KLF12: variants seen among roughly 807,000 people sequenced by gnomAD.
The protein encoded by KLF12 is KLF transcription factor 12.
Under a neutral mutation model 37.8 loss-of-function variants are expected in KLF12, and 9 were observed. The ratio of observed to expected loss-of-function variants is 0.24; its 90% CI spans 0.14 to 0.42. The LOEUF (loss-of-function observed/expected upper bound fraction) is 0.42. Among genes scored for constraint, KLF12 ranks in the 10% least tolerant of loss-of-function variants. KLF12 has a pLI of 1.00. For missense variants in KLF12, 411 were observed against 516.0 expected (o/e 0.80, Z 1.97); for synonymous variants, 208 against 202.1 (o/e 1.03, Z -0.25).
chr13:74,230,926 A>T, the KLF12 span, among the ~76,000 whole-genome samples: 48 of 152,266 alleles, frequency 3.2e-4, no homozygotes, highest in Non-Finnish European at 6.2e-4. Flanking sequence ...GTGCTTCAAG[A>T]ACACTGAATA....
chr13:73,798,814 G>A (rs1201877444), intron 5 of KLF12, among the ~76,000 whole-genome samples: 1 of 152,178 alleles, frequency 6.6e-6, no homozygotes, highest in African/African-American at 2.4e-5. Context: ...CTGTTGGTAG[G>A]AGTGTAAAAT....
At chr13:74,220,163 G>A in the KLF12 span, among the ~76,000 whole-genome samples, 30,482 of 151,948 alleles carry the variant, frequency 0.2, 3,954 homozygotes, top group African/African-American at 0.37. Context: ...GCTAGCAATG[G>A]TTTCTTTAAT....
intron 3 of KLF12, among the ~76,000 whole-genome samples, chr13:73,919,098 C>T (rs941178619): frequency 1.3e-5 from 2 of 152,136 alleles, no homozygotes; most frequent in African/African-American, 4.8e-5. Context: ...CTTGTAACTA[C>T]CCAGGAGCAC....
At chr13:74,196,370 C>A in the KLF12 span, among the ~76,000 whole-genome samples, 1 of 152,126 alleles carries the variant, frequency 6.6e-6, no homozygotes, top group African/African-American at 2.4e-5. Flanking sequence ...ATTTATTGCC[C>A]AGGCCCTTTT....
At chr13:74,168,618 G>A in the KLF12 span, among the ~76,000 whole-genome samples, 1 of 152,208 alleles carries the variant, frequency 6.6e-6, no homozygotes, top group Non-Finnish European at 1.5e-5. Context: ...CACAGTGACT[G>A]CAGTGTGTGA....
chr13:73,858,030 G>A lies in KLF12; in HGVS notation c.124-11657C>T, dbSNP rs143936770. Among the ~76,000 whole-genome samples, 1,270 of 152,174 alleles carry A rather than the reference G, an allele frequency of 8.3e-3. 8 individuals are homozygous for A. The highest frequency in any genetic ancestry group is 0.014 in the African/African-American group (593 of 41,518). ...AATAATACATGGAAAAAAATGTTCT[G>A]GAATGTTAACAATAGTTTTTCCATT... On this transcript the variant is annotated intron_variant, in intron 3 of 7. Coordinates refer to ENST00000377669, the MANE Select transcript of KLF12 (RefSeq NM_007249.5).
rs180845999 is a variant in KLF12, at chr13:74,044,510, T to C, written c.-31-49457A>G. Among the ~76,000 whole-genome samples, 7 of 151,854 alleles carry C rather than the reference T, an allele frequency of 4.6e-5. 1 individual carries two copies. Among genetic ancestry groups the C allele is most frequent in the Admixed American group, 2.0e-4 (3 of 15,244 alleles). ...TTAAAAAAAAATGTTTGACATACAATAAGGGAGATATGTCAGAGAGATACA... is the reference window on the plus strand; with the variant it reads ...TTAAAAAAAAATGTTTGACATACAACAAGGGAGATATGTCAGAGAGATACA... On this transcript the variant is annotated intron_variant, in intron 1 of 7. Coordinates refer to ENST00000377669, the MANE Select transcript of KLF12 (RefSeq NM_007249.5).
chr13:73,840,463 C>A (rs1298708955), intron 4 of KLF12, among the ~76,000 whole-genome samples: 1 of 152,112 alleles, frequency 6.6e-6, no homozygotes, highest in Non-Finnish European at 1.5e-5. Flanking sequence ...AAATGTGGAA[C>A]AGGCATATCA....
chr13:74,199,583 T>G, the KLF12 span, among the ~76,000 whole-genome samples: 469 of 152,234 alleles, frequency 3.1e-3, 2 homozygotes, highest in African/African-American at 0.011. Flanking sequence ...CAAACAGAGT[T>G]AGGATGTACA....
intron 1 of KLF12, among the ~76,000 whole-genome samples, chr13:74,087,037 G>C (rs560827444): frequency 3.9e-5 from 6 of 152,104 alleles, no homozygotes; most frequent in Non-Finnish European, 8.8e-5. Flanking sequence ...ACATATAAGT[G>C]GACCCATGCA....
intron 3 of KLF12, among the ~76,000 whole-genome samples, chr13:73,854,679 T>C (rs1885514037): frequency 1.3e-5 from 2 of 152,154 alleles, no homozygotes; most frequent in Admixed American, 1.3e-4. Context: ...CTCAAATCCG[T>C]GATATAAAAT....
At chr13:73,713,012 A>G (rs1000020181) in intron 7 of KLF12, among the ~76,000 whole-genome samples, 1 of 152,200 alleles carries the variant, frequency 6.6e-6, no homozygotes, top group African/African-American at 2.4e-5. Flanking sequence ...GTACGCCTGT[A>G]TTAAGAGAAG....
chr13:74,273,525 T>C, the KLF12 span, among the ~76,000 whole-genome samples: 1 of 151,980 alleles, frequency 6.6e-6, no homozygotes, highest in African/African-American at 2.4e-5. Flanking sequence ...AATTTTGCAA[T>C]GGTTGTGTGC....
intron 6 of KLF12, among the ~76,000 whole-genome samples, chr13:73,733,294 A>G (rs1877208974): frequency 6.6e-6 from 1 of 152,048 alleles, no homozygotes. Context: ...TTTCCACTAT[A>G]TATTAACTCC....
At chr13:73,921,918 C>T (rs1339711529) in intron 3 of KLF12, among the ~76,000 whole-genome samples, 1 of 152,110 alleles carries the variant, frequency 6.6e-6, no homozygotes, top group Non-Finnish European at 1.5e-5. Flanking sequence ...CTAGAGATTA[C>T]AAAGGAAAGA....
chr13:73,688,717 T>A lies in KLF12; in HGVS notation c.*6773A>T, dbSNP rs1873642969. On this transcript the variant is annotated 3_prime_UTR_variant, in exon 8 of 8. Coordinates refer to ENST00000377669, the MANE Select transcript of KLF12 (RefSeq NM_007249.5). ...GCCTGATTTCAAATATTCAGTACCA[T>A]TGTTAAGTCATGTGTTATATCATGT... The A allele has an allele frequency of 6.6e-6, 1 of 152,172 alleles. No individual in the cohort carries two copies. Among genetic ancestry groups the A allele is most frequent in the African/African-American group, 2.4e-5 (1 of 41,434 alleles). 9.4% of individuals were successfully genotyped at this position (152,172 alleles called of 1,614,324 possible).
At chr13:74,069,944 C>T (rs1368997625) in intron 1 of KLF12, among the ~76,000 whole-genome samples, 1 of 152,076 alleles carries the variant, frequency 6.6e-6, no homozygotes, top group Non-Finnish European at 1.5e-5. Flanking sequence ...GTTTGAAATG[C>T]TATATATCCA....
Position 73,863,315 on chromosome 13 carries a change from T to C in KLF12, c.124-16942A>G, listed in dbSNP as rs770253782. On this transcript the variant is annotated intron_variant, in intron 3 of 7. Transcript: ENST00000377669. ...AATTAGAGATTATATTATAGCAGTA[T>C]TGTAGAGGTGTTACGGCATGGGCTG... 5.9e-5 allele frequency among the ~76,000 whole-genome samples: 9 copies of C among 152,140 alleles called. 1 individual carries two copies. The highest frequency in any genetic ancestry group is 4.1e-4 in the South Asian group (2 of 4,828).
At chr13:74,213,947 C>G in the KLF12 span, among the ~76,000 whole-genome samples, 2 of 151,990 alleles carry the variant, frequency 1.3e-5, no homozygotes, top group Admixed American at 6.5e-5. Context: ...CTCATACTTC[C>G]TCTTTACCTA....
Sources: allele counts gnomAD v4.1 joint callset (sites outside exome capture counted in the v4.1 genomes callset), GRCh38; gene constraint gnomAD v4.1.1; transcripts MANE v1.5; gene names NCBI Gene and HGNC (gene_info 2026-07-23, HGNC 2026-07-21).